ARHGEF10L: variants seen among roughly 807,000 people sequenced by gnomAD.
ARHGEF10L encodes rho guanine nucleotide exchange factor 10-like protein.
ARHGEF10L carries 69 observed loss-of-function variants against 141.2 expected under a neutral mutation model. The observed-to-expected ratio is 0.49, with a 90% confidence interval of 0.40 to 0.60. ARHGEF10L has a LOEUF of 0.60. Ranked by LOEUF, ARHGEF10L falls within the 20% of genes least tolerant of loss-of-function variation. ARHGEF10L has a pLI of 0.00. For synonymous variants in ARHGEF10L, 711 were observed against 718.5 expected (o/e 0.99, Z 0.17); for missense variants, 1,482 against 1,734.3 (o/e 0.85, Z 2.58).
chr1:17,695,136 C>G, intron 27 of ARHGEF10L, 22 bp from the exon 28 acceptor site: 3 of 1,612,026 alleles, frequency 1.9e-6, no homozygotes, highest in Non-Finnish European at 2.5e-6. Flanking sequence ...GGGCACTGCT[C>G]AGCCGCCCTC....
chr1:17,531,170 C>T, the ARHGEF10L span, among the ~76,000 whole-genome samples: 1 of 152,130 alleles, frequency 6.6e-6, no homozygotes, highest in Non-Finnish European at 1.5e-5. Flanking sequence ...CACAGGTGGC[C>T]TTCAGAGGAG....
chr1:17,694,814 C>G, intron 27 of ARHGEF10L: 1 of 443,192 alleles, frequency 2.3e-6, no homozygotes, highest in Non-Finnish European at 4.4e-6. Context: ...CATGGATTGC[C>G]CTTGGACAAC....
chr1:17,639,345 A>AG lies in ARHGEF10L; in HGVS notation c.2171+661dup, dbSNP rs1354726787. Among the ~76,000 whole-genome samples the AG allele has an allele frequency of 3.9e-5, 6 of 152,224 alleles. No individual in the cohort carries two copies. Among genetic ancestry groups the AG allele is most frequent in the African/African-American group, 1.4e-4 (6 of 41,454 alleles). Reference sequence around the variant, plus strand: ...CTCTGAAGCCCAGGCCAGTGCAATGAGGGGGCTCAATGCCCAGGTTTTGGC... The same window carrying AG: ...CTCTGAAGCCCAGGCCAGTGCAATGAGGGGGGCTCAATGCCCAGGTTTTGGC... On this transcript the variant is annotated intron_variant, in intron 20 of 28. Transcript: ENST00000361221. The surrounding 1 kb of genome is among the most constrained non-coding windows in gnomAD (Gnocchi z 4.3).
At chr1:17,571,293 C>T (rs984409784) in intron 1 of ARHGEF10L, among the ~76,000 whole-genome samples, 2 of 152,148 alleles carry the variant, frequency 1.3e-5, no homozygotes, top group Non-Finnish European at 2.9e-5. Flanking sequence ...CCTCTCTCCC[C>T]ATCCTGGTCC....
At chr1:17,557,637 G>A (rs2077386469) in intron 1 of ARHGEF10L, among the ~76,000 whole-genome samples, 2 of 152,200 alleles carry the variant, frequency 1.3e-5, no homozygotes, top group South Asian at 4.1e-4. Flanking sequence ...AGCTTCTCAG[G>A]TCTTTTGTTA....
intron 1 of ARHGEF10L, among the ~76,000 whole-genome samples, chr1:17,556,819 G>A (rs2077345314): frequency 1.3e-5 from 2 of 152,186 alleles, no homozygotes; most frequent in South Asian, 4.1e-4. Context: ...TCTGAAGTCA[G>A]TAGTTCAAGG....
intron 27 of ARHGEF10L, 170 bp from the exon 28 acceptor site, chr1:17,694,988 C>A: frequency 2.1e-6 from 2 of 953,638 alleles, no homozygotes; most frequent in Non-Finnish European, 3.4e-6. Context: ...CGTGGCCAGA[C>A]CCCAGGCAGG....
chr1:17,526,551 C>T, the ARHGEF10L span, among the ~76,000 whole-genome samples: 1 of 152,104 alleles, frequency 6.6e-6, no homozygotes, highest in African/African-American at 2.4e-5. Flanking sequence ...AGCAAATGCT[C>T]AATGAAAGGA....
the ARHGEF10L span, among the ~76,000 whole-genome samples, chr1:17,530,775 G>C: frequency 6.6e-6 from 1 of 152,166 alleles, no homozygotes; most frequent in Non-Finnish European, 1.5e-5. Context: ...TAGCATTGGG[G>C]AGGCTGAGGT....
intron 6 of ARHGEF10L, among the ~76,000 whole-genome samples, chr1:17,605,245 G>A (rs1358043682): frequency 6.6e-6 from 1 of 152,160 alleles, no homozygotes; most frequent in Non-Finnish European, 1.5e-5. Flanking sequence ...AGGGCTTTGT[G>A]CCTTTGTGCC....
intron 26 of ARHGEF10L, among the ~76,000 whole-genome samples, chr1:17,679,918 G>C (rs543433273): frequency 6.6e-6 from 1 of 152,166 alleles, no homozygotes; most frequent in East Asian, 1.9e-4. Flanking sequence ...TGTCTCCCAG[G>C]GCCAGCTCGG....
chr1:17,689,249 C>A (rs2064865555), intron 27 of ARHGEF10L, among the ~76,000 whole-genome samples: 1 of 151,980 alleles, frequency 6.6e-6, no homozygotes, highest in African/African-American at 2.4e-5. Flanking sequence ...GTCCCTTAAT[C>A]TCCCGGAGCC....
intron 26 of ARHGEF10L, among the ~76,000 whole-genome samples, chr1:17,668,430 G>A (rs542202438): frequency 7.9e-5 from 12 of 152,352 alleles, no homozygotes; most frequent in South Asian, 2.1e-4. Context: ...CTTGCCAGCC[G>A]TAGTGCAGTC....
chr1:17,550,075 A>G (rs1009960038), intron 1 of ARHGEF10L, among the ~76,000 whole-genome samples: 1 of 152,200 alleles, frequency 6.6e-6, no homozygotes, highest in African/African-American at 2.4e-5. Context: ...ACCAGAGGAA[A>G]GGCAAGGAAA....
intron 13 of ARHGEF10L, 35 bp downstream of exon 13, chr1:17,624,538 G>A: frequency 6.4e-7 from 1 of 1,565,886 alleles, no homozygotes; most frequent in Admixed American, 1.7e-5. Flanking sequence ...CCTGGTCAGG[G>A]TGGGCAGGGA....
chr1:17,678,811 G>A (rs543097725), intron 26 of ARHGEF10L, among the ~76,000 whole-genome samples: 2 of 152,158 alleles, frequency 1.3e-5, no homozygotes, highest in African/African-American at 2.4e-5. Context: ...GTATGCCTTG[G>A]TCTGGGTTTT....
In ARHGEF10L at chr1:17,662,045, C is replaced by T. The variant is rs369905872; in HGVS notation, c.2861-2402C>T. ...TCACGTTGGTTAAGTGAAGTCAACA[C>T]TTGCTTCCACACACTGTTGTGTTGT... On this transcript the variant is annotated intron_variant, in intron 25 of 28. Coordinates refer to ENST00000361221, the MANE Select transcript of ARHGEF10L (RefSeq NM_018125.4). Among the ~76,000 whole-genome samples the T allele has an allele frequency of 4.5e-4, 68 of 152,356 alleles. 1 individual carries two copies. Among genetic ancestry groups the T allele is most frequent in the African/African-American group, 1.5e-3 (64 of 41,586 alleles).
chr1:17,597,014 G>A (rs868810828), intron 4 of ARHGEF10L, among the ~76,000 whole-genome samples: 2 of 152,170 alleles, frequency 1.3e-5, no homozygotes, highest in Admixed American at 6.5e-5. Context: ...GACCAGAAAC[G>A]CACCAGGTGG....
intron 9 of ARHGEF10L, among the ~76,000 whole-genome samples, chr1:17,616,448 G>A (rs981430810): frequency 6.6e-6 from 1 of 152,210 alleles, no homozygotes; most frequent in Non-Finnish European, 1.5e-5. Flanking sequence ...CAGCGTCCCT[G>A]CTCCTGCTTT....
Sources: allele counts gnomAD v4.1 joint callset (sites outside exome capture counted in the v4.1 genomes callset), GRCh38; gene constraint gnomAD v4.1.1; non-coding constraint Gnocchi (gnomAD v3.1); transcripts MANE v1.5; gene names NCBI Gene and HGNC (gene_info 2026-07-23, HGNC 2026-07-21).